Variants in SCAPER observed in about 807,000 individuals in gnomAD.
The protein encoded by SCAPER is S-phase cyclin A associated protein in the ER.
Under a neutral mutation model 182.2 loss-of-function variants are expected in SCAPER, and 98 were observed. That is an observed-to-expected ratio of 0.54 (90% CI 0.46 to 0.64). The LOEUF (loss-of-function observed/expected upper bound fraction) is 0.64. SCAPER is among the 30% of genes least tolerant of loss of function. SCAPER has a pLI of 0.00. For missense variants in SCAPER, 1,432 were observed against 1,690.0 expected (o/e 0.85, Z 2.68); for synonymous variants, 605 against 564.6 (o/e 1.07, Z -1.01).
intron 8 of SCAPER, among the ~76,000 whole-genome samples, chr15:76,784,603 G>C (rs1395838834): frequency 6.6e-6 from 1 of 152,152 alleles, no homozygotes; most frequent in African/African-American, 2.4e-5. Flanking sequence ...AAAGAACAAA[G>C]CTGAAGGCAA....
At chr15:76,875,889 G>A (rs892134749) in intron 2 of SCAPER, among the ~76,000 whole-genome samples, 12 of 152,218 alleles carry the variant, frequency 7.9e-5, no homozygotes, top group South Asian at 2.1e-4. Context: ...GGCGCTGGTC[G>A]AGGAGGCTCG....
intron 27 of SCAPER, among the ~76,000 whole-genome samples, chr15:76,395,199 A>C (rs541505074): frequency 6.6e-6 from 1 of 152,310 alleles, no homozygotes; most frequent in Non-Finnish European, 1.5e-5. Context: ...TTATGGCTGA[A>C]TAGGACTCCA....
chr15:76,575,246 T>TG (rs1234402235), intron 22 of SCAPER, among the ~76,000 whole-genome samples: 3 of 151,960 alleles, frequency 2.0e-5, no homozygotes, highest in Non-Finnish European at 4.4e-5. Context: ...GGTGGGGGTG[T>TG]GGGGGGAGTC....
At chr15:76,478,367 T>G (rs1487572731) in intron 24 of SCAPER, among the ~76,000 whole-genome samples, 1 of 152,076 alleles carries the variant, frequency 6.6e-6, no homozygotes, top group Non-Finnish European at 1.5e-5. Context: ...TCCATTTTGC[T>G]TATGTTATTT....
At chr15:76,464,770 C>A (rs2049466659) in intron 25 of SCAPER, among the ~76,000 whole-genome samples, 1 of 152,136 alleles carries the variant, frequency 6.6e-6, no homozygotes, top group Non-Finnish European at 1.5e-5. Flanking sequence ...TACCCAGAAG[C>A]AGGATTGATG....
chr15:76,435,876 T>C (rs1347420665), intron 25 of SCAPER, among the ~76,000 whole-genome samples: 1 of 152,198 alleles, frequency 6.6e-6, no homozygotes, highest in Non-Finnish European at 1.5e-5. Flanking sequence ...CTGTAGAACT[T>C]TGAAACTCCA....
At chr15:76,427,976 T>C (rs1284300753) in intron 26 of SCAPER, among the ~76,000 whole-genome samples, 1 of 151,214 alleles carries the variant, frequency 6.6e-6, no homozygotes, top group Non-Finnish European at 1.5e-5. Context: ...TGTTTGCACC[T>C]GTAGTCCCAT....
chr15:76,452,845 T>C (rs2048466058), intron 25 of SCAPER, among the ~76,000 whole-genome samples: 1 of 143,894 alleles, frequency 6.9e-6, no homozygotes, highest in South Asian at 2.2e-4. Context: ...TTCAAAGAAC[T>C]TTTTTTTTTT....
At chr15:76,464,503 T>C (rs1021805794) in intron 25 of SCAPER, among the ~76,000 whole-genome samples, 1 of 152,200 alleles carries the variant, frequency 6.6e-6, no homozygotes, top group African/African-American at 2.4e-5. Context: ...GTCCTACATA[T>C]GTGTGGGTTT....
chr15:76,802,820 AG>A (rs2065892986), intron 6 of SCAPER, among the ~76,000 whole-genome samples: 1 of 152,216 alleles, frequency 6.6e-6, no homozygotes. Context: ...GGGGGGAAGC[AG>A]CCTTGTAGCT....
chr15:76,519,600 T>C (rs1156843616), intron 23 of SCAPER, among the ~76,000 whole-genome samples: 1 of 152,238 alleles, frequency 6.6e-6, no homozygotes, highest in African/African-American at 2.4e-5. Context: ...GTTCAGAAGC[T>C]ATTACAATAG....
rs967064341 is a variant in SCAPER at position 76,743,952 on chromosome 15, T to C, written c.1866+9856A>G. 3.9e-5 allele frequency among the ~76,000 whole-genome samples: 6 copies of C among 152,164 alleles called. No individual in the cohort carries two copies. The South Asian group carries it at 1.0e-3, about 26-fold the overall frequency. ...GGTACAAAACAGACACACAGACCAA[T>C]GGAACAGAACAGAAAATTCAGAAAT... On this transcript the variant is annotated intron_variant, in intron 15 of 31. Coordinates refer to ENST00000563290, the MANE Select transcript of SCAPER (RefSeq NM_020843.4).
Position 76,465,863 on chromosome 15 carries a change from A to G in SCAPER, c.3078+5349T>C, listed in dbSNP as rs531502377. ...TGTGTATTCCTGGCAATCTTGTCAA[A>G]GATCAGTTAATTGGCCCTTTGAATA... On this transcript the variant is annotated intron_variant, in intron 25 of 31. Coordinates refer to ENST00000563290, the MANE Select transcript of SCAPER (RefSeq NM_020843.4). Among the ~76,000 whole-genome samples, 88 of 152,224 alleles carry G rather than the reference A, an allele frequency of 5.8e-4. 3 individuals carry two copies. In the South Asian group the frequency reaches 0.018, roughly 31 times the overall value.
At chr15:76,453,480 C>G (rs1457113951) in intron 25 of SCAPER, among the ~76,000 whole-genome samples, 1 of 152,102 alleles carries the variant, frequency 6.6e-6, no homozygotes, top group African/African-American at 2.4e-5. Context: ...GAGGTATGTC[C>G]TAAAATTTAG....
intron 10 of SCAPER, among the ~76,000 whole-genome samples, chr15:76,769,025 A>G (rs1409487818): frequency 6.6e-6 from 1 of 152,212 alleles, no homozygotes; most frequent in Non-Finnish European, 1.5e-5. Flanking sequence ...AATTCAATTT[A>G]TATAAAACTA....
intron 14 of SCAPER, among the ~76,000 whole-genome samples, chr15:76,756,650 ATGTT>A (rs775453196): frequency 5.9e-5 from 9 of 152,108 alleles, no homozygotes; most frequent in Admixed American, 5.2e-4. Flanking sequence ...GAGCTGATAA[ATGTT>A]TGCTGTTTTA....
chr15:76,639,741 A>G (rs952715156), intron 21 of SCAPER, among the ~76,000 whole-genome samples: 1 of 151,454 alleles, frequency 6.6e-6, no homozygotes, highest in African/African-American at 2.4e-5. Context: ...CATTCACAAA[A>G]AAGAATACCA....
intron 5 of SCAPER, among the ~76,000 whole-genome samples, chr15:76,840,088 C>T (rs1457970609): frequency 1.3e-5 from 2 of 152,072 alleles, no homozygotes; most frequent in African/African-American, 4.8e-5. Flanking sequence ...CATTATACTC[C>T]AAGAATATGA....
chr15:76,676,771 A>C (rs1034442412), intron 20 of SCAPER, among the ~76,000 whole-genome samples: 1 of 151,616 alleles, frequency 6.6e-6, no homozygotes, highest in Non-Finnish European at 1.5e-5. Context: ...TTATATATAA[A>C]TGTGTGAGTT....
Sources: allele counts gnomAD v4.1 joint callset (sites outside exome capture counted in the v4.1 genomes callset), GRCh38; gene constraint gnomAD v4.1.1; transcripts MANE v1.5; gene names NCBI Gene and HGNC (gene_info 2026-07-23, HGNC 2026-07-21).